Variants in RIMKLB observed in about 807,000 individuals in gnomAD.
RIMKLB encodes the protein beta-citrylglutamate synthase B.
A neutral mutation model predicts 32.0 loss-of-function variants in RIMKLB; 7 were observed. That is an observed-to-expected ratio of 0.22 (90% CI 0.12 to 0.41). RIMKLB has a LOEUF of 0.41. Ranked by LOEUF, RIMKLB falls within the 10% of genes least tolerant of loss-of-function variation. The pLI, the probability that RIMKLB is intolerant of heterozygous loss-of-function variation, is 1.00. For synonymous variants in RIMKLB, 172 were observed against 185.1 expected (o/e 0.93, Z 0.57); for missense variants, 289 against 498.7 (o/e 0.58, Z 4.00).
intron 5 of RIMKLB, among the ~76,000 whole-genome samples, chr12:8,764,649 G>T (rs1052146781): frequency 6.6e-5 from 10 of 152,136 alleles, no homozygotes; most frequent in Middle Eastern, 3.2e-3. Flanking sequence ...GAGGTCGATG[G>T]CATGGGCTGG....
upstream of RIMKLB, among the ~76,000 whole-genome samples, chr12:8,677,034 C>T (rs1479282022): frequency 6.6e-6 from 1 of 152,100 alleles, no homozygotes; most frequent in Non-Finnish European, 1.5e-5. Flanking sequence ...TCTCACTGAG[C>T]TTGGTTTTTA....
At chr12:8,758,879 A>C (rs1990479) in intron 5 of RIMKLB, among the ~76,000 whole-genome samples, 1 of 151,892 alleles carries the variant, frequency 6.6e-6, no homozygotes, top group Non-Finnish European at 1.5e-5. Context: ...CTTTTTATGT[A>C]TGAATACCAG....
At chr12:8,690,352 T>C (rs1282374863) in intron 1 of RIMKLB, among the ~76,000 whole-genome samples, 2 of 152,190 alleles carry the variant, frequency 1.3e-5, no homozygotes, top group African/African-American at 4.8e-5. Context: ...CAAATTATAA[T>C]GTATGTACCA....
At chr12:8,752,511 C>T (rs867103736) in intron 4 of RIMKLB, among the ~76,000 whole-genome samples, 1 of 152,098 alleles carries the variant, frequency 6.6e-6, no homozygotes, top group South Asian at 2.1e-4. Flanking sequence ...GAGATCACAC[C>T]ACTGCACTCC....
Position 8,775,387 on chromosome 12 carries a change from C to T in RIMKLB, c.*1603C>T. On this transcript the variant is annotated 3_prime_UTR_variant, in exon 6 of 6. Transcript: ENST00000535829. ...ATGAGCCTTTAAAACATGGGTAAAA[C>T]TAATCCCATTGATGGGTTTGGATGG... The T allele has an allele frequency of 1.0e-6, 1 of 985,410 alleles. No homozygotes were observed. Among genetic ancestry groups the T allele is most frequent in the Non-Finnish European group, 1.2e-6 (1 of 829,890 alleles). 61.0% of individuals were successfully genotyped at this position (985,410 alleles called of 1,614,324 possible). A position where few individuals can be genotyped will look rare whatever the true frequency, so the allele number is the denominator to read the frequency against.
In RIMKLB at chr12:8,773,339, G is replaced by T; in HGVS notation, c.716G>T (p.Cys239Phe). 1 of 1,612,868 alleles carries T rather than the reference G, an allele frequency of 6.2e-7. No homozygotes were observed. Among genetic ancestry groups the T allele is most frequent in the Non-Finnish European group, 8.5e-7 (1 of 1,178,892 alleles). ...NCSLGGVGMM[C>F]SLSEQGKQLA... is the part of the protein sequence containing the mutation. ...TTGCCAGGTGGTGTGGGGATGATGT[G>T]CTCATTGAGTGAACAAGGGAAGCAG... The change falls in exon 6 of 6, where the codon TGC becomes TTC. Residue 239 changes from cysteine to phenylalanine, a missense_variant. By Grantham distance (205) the Cys-to-Phe change is radical. This residue lies in a region of RIMKLB where 156 missense variants were observed against 329.5 expected (regional missense o/e 0.47). Coordinates refer to ENST00000535829, the MANE Select transcript of RIMKLB (RefSeq NM_001297776.2).
chr12:8,755,724 T>C (rs1948969323), intron 5 of RIMKLB, among the ~76,000 whole-genome samples: 1 of 152,122 alleles, frequency 6.6e-6, no homozygotes, highest in African/African-American at 2.4e-5. Flanking sequence ...AATCCTCCGA[T>C]AGGGCCGGGC....
At position 8,729,613 on chromosome 12, in the gene RIMKLB, T is replaced by G. The variant is rs117467387; in HGVS notation, c.175+15572T>G. Among the ~76,000 whole-genome samples the G allele has an allele frequency of 9.1e-4, 139 of 152,232 alleles. 2 individuals are homozygous for G. The East Asian group carries it at 0.016, about 18-fold the overall frequency. ...GCAGGAAAACAGGGATGTAAATTCT[T>G]ACTTTGGGCCATGGTACCAGGCTTT... On this transcript the variant is annotated intron_variant, in intron 2 of 5. Transcript: ENST00000535829.
intron 5 of RIMKLB, among the ~76,000 whole-genome samples, chr12:8,769,034 G>A (rs772885034): frequency 6.6e-6 from 1 of 152,058 alleles, no homozygotes; most frequent in African/African-American, 2.4e-5. Flanking sequence ...CAAAATGAAG[G>A]CAATTCATGT....
chr12:8,704,866 T>G (rs5028497), intron 1 of RIMKLB, among the ~76,000 whole-genome samples: 152,083 of 152,088 alleles, frequency 1, 76,039 homozygotes, highest in Middle Eastern at 1. Context: ...ATACCTGTCA[T>G]CCCACCTACT....
intron 2 of RIMKLB, among the ~76,000 whole-genome samples, chr12:8,717,515 A>G (rs1944982471): frequency 6.6e-6 from 1 of 151,908 alleles, no homozygotes; most frequent in East Asian, 1.9e-4. Flanking sequence ...AATCTGTTCT[A>G]GCTCCAATAT....
chr12:8,724,923 A>T (rs753400405), intron 2 of RIMKLB, among the ~76,000 whole-genome samples: 6 of 152,168 alleles, frequency 3.9e-5, no homozygotes, highest in Non-Finnish European at 8.8e-5. Flanking sequence ...TGGAGGGCTG[A>T]TGTAGGTAAT....
upstream of RIMKLB, among the ~76,000 whole-genome samples, chr12:8,695,780 A>ACCTC (rs1942871165): frequency 7.0e-6 from 1 of 143,430 alleles, no homozygotes; most frequent in African/African-American, 2.6e-5. Context: ...TGAAACCTCC[A>ACCTC]CCTCCCAGGT....
intron 5 of RIMKLB, among the ~76,000 whole-genome samples, chr12:8,756,180 G>C (rs971893399): frequency 1.3e-5 from 2 of 151,534 alleles, no homozygotes; most frequent in Non-Finnish European, 2.9e-5. Context: ...AATTAGCTGG[G>C]CATCATGGCA....
chr12:8,763,278 G>C (rs1565415147), intron 5 of RIMKLB, among the ~76,000 whole-genome samples: 1 of 151,972 alleles, frequency 6.6e-6, no homozygotes, highest in Non-Finnish European at 1.5e-5. Flanking sequence ...AGCTATTCCT[G>C]TTTTTTTTCT....
upstream of RIMKLB, among the ~76,000 whole-genome samples, chr12:8,680,401 C>T (rs187500336): frequency 1.9e-3 from 292 of 152,256 alleles, 2 homozygotes; most frequent in African/African-American, 6.4e-3. Context: ...CCTCGTGATC[C>T]GCCTGCCTCA....
Position 8,688,072 on chromosome 12 carries a change from A to AT in RIMKLB, n.219+6256dup, listed in dbSNP as rs573051615. On this transcript the variant is annotated intron_variant and non_coding_transcript_variant, in intron 1 of 1. Transcript: ENST00000538758. ...TATGCTGCAAGACCTTTCTGCAGAC[A>AT]TTGTGTCTTTGTGAGCTGACTGCAG... 2.9e-3 allele frequency among the ~76,000 whole-genome samples: 438 copies of AT among 152,342 alleles called. 4 individuals carry two copies. Among genetic ancestry groups the AT allele is most frequent in the Middle Eastern group, 3.4e-3 (1 of 294 alleles).
chr12:8,671,550 G>T, the RIMKLB span, among the ~76,000 whole-genome samples: 1 of 151,992 alleles, frequency 6.6e-6, no homozygotes, highest in African/African-American at 2.4e-5. Flanking sequence ...GCACCCAGCT[G>T]GGTTTTTCTT....
intron 2 of RIMKLB, among the ~76,000 whole-genome samples, chr12:8,733,708 A>G (rs1946748288): frequency 6.6e-6 from 1 of 152,168 alleles, no homozygotes; most frequent in Non-Finnish European, 1.5e-5. Context: ...CCTTGTCACT[A>G]CAAAAAATAA....
Sources: allele counts gnomAD v4.1 joint callset (sites outside exome capture counted in the v4.1 genomes callset), GRCh38; gene constraint gnomAD v4.1.1; regional missense constraint gnomAD v4.1.1; transcripts MANE v1.5; gene names NCBI Gene and HGNC (gene_info 2026-07-23, HGNC 2026-07-21).